Variants in EYS observed in about 807,000 individuals in gnomAD.
EYS encodes protein eyes shut homolog.
In EYS, 250 loss-of-function variants were observed where a neutral mutation model predicts 282.1. That is an observed-to-expected ratio of 0.89 (90% confidence interval 0.80 to 0.98). The LOEUF is 0.98. EYS is among the 50% of genes least tolerant of loss of function. The pLI is 0.00. For missense variants in EYS, 4,016 were observed against 3,709.0 expected, an observed-to-expected ratio of 1.08 and a Z score of -2.15; for synonymous variants, 1,355 against 1,282.9, an observed-to-expected ratio of 1.06 and a Z score of -1.20.
At position 64,047,823 on chromosome 6, in the gene EYS, T is replaced by C. The variant is rs1473724428; in HGVS notation, c.6725+18515A>G. 4.6e-5 allele frequency among the ~76,000 whole-genome samples: 7 copies of C among 152,302 alleles called. No individual in the cohort carries two copies. In the East Asian group the frequency reaches 1.3e-3, roughly 29 times the overall value. On this transcript the variant is annotated intron_variant, in intron 33 of 42. Transcript: ENST00000503581. ...GCATTGGTGGGAACTATCATTAAGGTGACCGTCCTCTGGCCAAGGGGTGGG... is the reference window on the plus strand; with the variant it reads ...GCATTGGTGGGAACTATCATTAAGGCGACCGTCCTCTGGCCAAGGGGTGGG...
chr6:63,777,073 C>A (rs1770083755), intron 40 of EYS, among the ~76,000 whole-genome samples: 1 of 152,126 alleles, frequency 6.6e-6, no homozygotes, highest in Non-Finnish European at 1.5e-5. Flanking sequence ...CATCCCAAGC[C>A]TTACATTTTG....
chr6:65,464,898 G>A (rs964429191), intron 5 of EYS, among the ~76,000 whole-genome samples: 2 of 152,110 alleles, frequency 1.3e-5, no homozygotes, highest in Non-Finnish European at 2.9e-5. Flanking sequence ...AGAGAGATGA[G>A]GCTTAAAGGT....
At chr6:65,487,333 G>A (rs1448285970) in intron 5 of EYS, among the ~76,000 whole-genome samples, 3 of 152,056 alleles carry the variant, frequency 2.0e-5, no homozygotes, top group African/African-American at 4.8e-5. Context: ...CTCTTATTAT[G>A]TTGACATACA....
At chr6:63,995,776 G>C (rs1767806911) in intron 34 of EYS, among the ~76,000 whole-genome samples, 1 of 151,968 alleles carries the variant, frequency 6.6e-6, no homozygotes. Context: ...AAGTACAATG[G>C]TGATTGCAGA....
chr6:65,083,063 T>C (rs1774270210), intron 12 of EYS, among the ~76,000 whole-genome samples: 1 of 151,970 alleles, frequency 6.6e-6, no homozygotes, highest in Non-Finnish European at 1.5e-5. Context: ...CTGTCCATCT[T>C]AAAAAAATCA....
In EYS at chr6:65,029,385, G is replaced by A. The variant is rs796921777; in HGVS notation, c.2137+28229C>T. 2.6e-4 allele frequency among the ~76,000 whole-genome samples: 39 copies of A among 152,076 alleles called. 1 individual carries two copies. Among genetic ancestry groups the A allele is most frequent in the Admixed American group, 5.9e-4 (9 of 15,260 alleles). ...TATACATACATTTATATGCAGATAC[G>A]TACTTTGTAGGAATTATATAAATAC... On this transcript the variant is annotated intron_variant, in intron 13 of 42. Coordinates refer to ENST00000503581, the MANE Select transcript of EYS (RefSeq NM_001142800.2).
intron 29 of EYS, among the ~76,000 whole-genome samples, chr6:64,321,444 C>T (rs1290437415): frequency 2.6e-5 from 4 of 151,670 alleles, no homozygotes; most frequent in Non-Finnish European, 4.4e-5. Context: ...GTAATTTAGT[C>T]CTATACTTTT....
chr6:65,533,583 A>G (rs1438407027), intron 2 of EYS, among the ~76,000 whole-genome samples: 7 of 152,120 alleles, frequency 4.6e-5, no homozygotes, highest in Non-Finnish European at 2.9e-5. Context: ...ATGTGGTGGT[A>G]CTGAGAGATG....
intron 1 of EYS, among the ~76,000 whole-genome samples, chr6:65,663,673 C>CTTTATTTATTTA (rs560542517): frequency 4.7e-4 from 71 of 151,670 alleles, no homozygotes; most frequent in Middle Eastern, 3.4e-3. Flanking sequence ...TAGATAAAAT[C>CTTTATTTATTTA]TTTATTTATT....
chr6:64,425,463 TG>T (rs1774372589), intron 28 of EYS, among the ~76,000 whole-genome samples: 1 of 151,938 alleles, frequency 6.6e-6, no homozygotes, highest in Non-Finnish European at 1.5e-5. Flanking sequence ...GAGACCAGAC[TG>T]GCCCACATGG....
At chr6:65,033,609 T>C (rs1772673531) in intron 13 of EYS, among the ~76,000 whole-genome samples, 2 of 152,146 alleles carry the variant, frequency 1.3e-5, no homozygotes, top group Admixed American at 1.3e-4. Context: ...CATATGGTGT[T>C]AAGCCTGTAG....
At chr6:65,016,084 A>AC (rs1772038984) in intron 13 of EYS, among the ~76,000 whole-genome samples, 1 of 144,554 alleles carries the variant, frequency 6.9e-6, no homozygotes, top group Non-Finnish European at 1.5e-5. Flanking sequence ...AAAAAAAAAA[A>AC]CAGGCGCCAT....
intron 19 of EYS, among the ~76,000 whole-genome samples, chr6:64,871,904 T>C (rs1474353960): frequency 6.6e-6 from 1 of 151,942 alleles, no homozygotes; most frequent in Admixed American, 6.6e-5. Flanking sequence ...CAACAAAGAA[T>C]TTGAAAAAGA....
chr6:64,624,008 C>T (rs1314282130), intron 23 of EYS, among the ~76,000 whole-genome samples: 1 of 152,102 alleles, frequency 6.6e-6, no homozygotes, highest in East Asian at 1.9e-4. Context: ...GGGGACGTGT[C>T]AATAGCATTT....
At chr6:64,826,875 T>C (rs1373497713) in intron 19 of EYS, among the ~76,000 whole-genome samples, 3 of 151,634 alleles carry the variant, frequency 2.0e-5, no homozygotes, top group African/African-American at 7.3e-5. Context: ...CCTCAAAACA[T>C]ACTTTATGAA....
At chr6:64,032,864 A>C (rs915966890) in intron 33 of EYS, among the ~76,000 whole-genome samples, 1 of 152,234 alleles carries the variant, frequency 6.6e-6, no homozygotes, top group African/African-American at 2.4e-5. Context: ...TCACAAATCC[A>C]GACATTCTCT....
intron 19 of EYS, among the ~76,000 whole-genome samples, chr6:64,842,404 G>A (rs1315617685): frequency 6.6e-6 from 1 of 151,784 alleles, no homozygotes; most frequent in Non-Finnish European, 1.5e-5. Context: ...ATTCCGTGTT[G>A]TGGGAGGTAC....
At chr6:64,313,860 G>A (rs980066841) in intron 29 of EYS, among the ~76,000 whole-genome samples, 1 of 152,102 alleles carries the variant, frequency 6.6e-6, no homozygotes, top group Non-Finnish European at 1.5e-5. Flanking sequence ...AAGAGCTCCT[G>A]AAGGAAGCAC....
intron 6 of EYS, among the ~76,000 whole-genome samples, chr6:65,402,810 G>C (rs1316766915): frequency 6.6e-6 from 1 of 151,960 alleles, no homozygotes; most frequent in African/African-American, 2.4e-5. Context: ...TGAAATCAAA[G>C]CTCCTCTATT....
Sources: gnomAD v4.1 joint callset for allele counts (sites outside exome capture counted in the v4.1 genomes callset) on GRCh38, gnomAD v4.1.1 for gene constraint, MANE v1.5 for transcripts, NCBI Gene and HGNC (gene_info 2026-07-23, HGNC 2026-07-21) for gene names.